The following UGT3A1 variants were observed in gnomAD, a reference collection of about 807,000 sequenced individuals.
UGT3A1 encodes UDP-glycosyltransferase 3A1.
In UGT3A1, 40 loss-of-function variants were observed where a neutral mutation model predicts 37.6. That is an observed-to-expected ratio of 1.06 (90% CI 0.83 to 1.38). UGT3A1 has a LOEUF of 1.38. Among genes scored for constraint, UGT3A1 ranks in the 40% most tolerant of loss-of-function variants. The pLI, the probability that UGT3A1 is intolerant of heterozygous loss-of-function variation, is 0.00. For missense variants in UGT3A1, 642 were observed against 634.2 expected (o/e 1.01, Z -0.13); for synonymous variants, 256 against 232.3 (o/e 1.10, Z -0.93).
chr5:35,995,086 C>G (rs986419116), upstream of UGT3A1, among the ~76,000 whole-genome samples: 2 of 152,164 alleles, frequency 1.3e-5, no homozygotes, highest in African/African-American at 4.8e-5. Flanking sequence ...TGAAGGCCAA[C>G]AAACAACTTA....
chr5:35,975,221 G>T (rs1405763266), intron 2 of UGT3A1, among the ~76,000 whole-genome samples: 1 of 152,142 alleles, frequency 6.6e-6, no homozygotes, highest in Admixed American at 6.5e-5. Context: ...TTATGTATGG[G>T]CATATCAAAC....
At position 35,953,831 on chromosome 5, in the gene UGT3A1, G is replaced by A. The variant is rs1040139635; in HGVS notation, c.*371C>T. 1.0e-5 allele frequency: 2 copies of A among 193,078 alleles called. No homozygotes were observed. Among genetic ancestry groups the A allele is most frequent in the African/African-American group, 4.7e-5 (2 of 42,860 alleles). The allele number at this position is 193,078 out of a possible 1,614,324, so 12.0% of individuals were successfully genotyped here. A position where few individuals can be genotyped will look rare whatever the true frequency, so the allele number is the denominator to read the frequency against. On this transcript the variant is annotated 3_prime_UTR_variant, in exon 7 of 7. Transcript: ENST00000274278. ...TGGAAGAATTTGAAATGGAAGATAT[G>A]TCAAATATTTCCTGAGTTTTTTTAT...
chr5:35,967,468 T>C (rs1018109993), intron 3 of UGT3A1, among the ~76,000 whole-genome samples: 3 of 152,242 alleles, frequency 2.0e-5, no homozygotes, highest in Admixed American at 6.5e-5. Context: ...TCTCTCATTG[T>C]ATACCATCAT....
intron 3 of UGT3A1, among the ~76,000 whole-genome samples, 190 bp from the exon 4 acceptor site, chr5:35,966,107 A>T (rs1278364036): frequency 6.6e-6 from 1 of 152,092 alleles, no homozygotes; most frequent in Non-Finnish European, 1.5e-5. Flanking sequence ...TGCTCTCTAA[A>T]ATGTCCCCAC....
At chr5:35,978,128 G>C (rs568687238) in intron 2 of UGT3A1, among the ~76,000 whole-genome samples, 1 of 152,202 alleles carries the variant, frequency 6.6e-6, no homozygotes, top group South Asian at 2.1e-4. Context: ...CCACCTCCTG[G>C]GATTCAAGAA....
rs1317913848 is a variant in UGT3A1, at chr5:35,952,945, A to G, written c.*1257T>C. ...GGGCATTCTCTATTTCTGCAGGAGCATTTGTAACAGTTTCATCTTTTGATC... is the reference window on the plus strand; with the variant it reads ...GGGCATTCTCTATTTCTGCAGGAGCGTTTGTAACAGTTTCATCTTTTGATC... On this transcript the variant is annotated 3_prime_UTR_variant, in exon 7 of 7. Coordinates refer to ENST00000274278, the MANE Select transcript of UGT3A1 (RefSeq NM_152404.4). 6.6e-6 allele frequency: 1 copy of G among 152,206 alleles called. No homozygotes were observed. The highest frequency in any genetic ancestry group is 1.5e-5 in the Non-Finnish European group (1 of 68,044). The allele number at this position is 152,206 out of a possible 1,614,324, so 9.4% of individuals were successfully genotyped here.
chr5:35,960,486 G>A (rs1230502347), intron 4 of UGT3A1, among the ~76,000 whole-genome samples: 2 of 152,180 alleles, frequency 1.3e-5, no homozygotes, highest in Admixed American at 1.3e-4. Flanking sequence ...CGCAGCCTCC[G>A]CTGCTGCTCA....
At chr5:35,984,254 AC>A (rs1483975766) in intron 2 of UGT3A1, among the ~76,000 whole-genome samples, 6 of 152,232 alleles carry the variant, frequency 3.9e-5, no homozygotes, top group Non-Finnish European at 7.3e-5. Context: ...CCATATGCCA[AC>A]AGCAAACAAC....
At chr5:35,968,232 T>A (rs1470532961) in intron 2 of UGT3A1, 99 bp from the exon 3 acceptor site, 7 of 738,298 alleles carry the variant, frequency 9.5e-6, no homozygotes, top group Non-Finnish European at 1.5e-5. Flanking sequence ...AATTTTACAT[T>A]TATGGAAATG....
upstream of UGT3A1, among the ~76,000 whole-genome samples, chr5:35,995,178 A>C (rs984130610): frequency 2.0e-5 from 3 of 151,580 alleles, no homozygotes; most frequent in Non-Finnish European, 4.4e-5. Context: ...CTCCACCCTC[A>C]CTCTACCCTG....
chr5:35,962,974 T>A, intron 4 of UGT3A1: 1 of 702,240 alleles, frequency 1.4e-6, no homozygotes, highest in Non-Finnish European at 2.6e-6. Flanking sequence ...GAAATAGAGG[T>A]GTCCCTCATT....
At chr5:35,992,173 A>G (rs537954321), upstream of UGT3A1, among the ~76,000 whole-genome samples, 1 of 152,342 alleles carries the variant, frequency 6.6e-6, no homozygotes, top group African/African-American at 2.4e-5. Flanking sequence ...TAGGCCCTTG[A>G]ATTCTGCTTG....
intron 2 of UGT3A1, among the ~76,000 whole-genome samples, chr5:35,971,463 TACACAC>T (rs76860183): frequency 0.23 from 34,145 of 147,802 alleles, 4,153 homozygotes; most frequent in Non-Finnish European, 0.28. Flanking sequence ...GACACACGCA[TACACAC>T]ACACACACAC....
rs200732514 is a variant in UGT3A1 at position 35,965,570 on chromosome 5, G to A, written c.659C>T (p.Thr220Ile). Residue 220 changes from threonine to isoleucine, a missense_variant, in exon 4 of 7, where the codon ACA (threonine) becomes ATA (isoleucine). Transcript: ENST00000274278. Reference protein sequence around the residue: ...FSRSQWDMQSTFDNTIKEHFP... With the variant: ...FSRSQWDMQSIFDNTIKEHFP... ...ATGCTCCTTGATGGTGTTGTCAAATGTAGACTGCATGTCCCATTGGCTCCT... is the reference window on the plus strand; with the variant it reads ...ATGCTCCTTGATGGTGTTGTCAAATATAGACTGCATGTCCCATTGGCTCCT... 21 of 1,614,184 alleles carry A rather than the reference G, an allele frequency of 1.3e-5. No homozygotes were observed. The East Asian group carries it at 4.7e-4, about 36-fold the overall frequency.
rs1290537945 is a variant in UGT3A1, at chr5:35,965,502, T to G, written c.727A>C (p.Lys243Gln). ...SRPVLSHLLL[K>Q]AELWFVNSDF... ...GAGTTAACAAACCACAACTCTGCTTTCAGTAGAAGATGAGACAAAACTGGC... is the reference window on the plus strand; with the variant it reads ...GAGTTAACAAACCACAACTCTGCTTGCAGTAGAAGATGAGACAAAACTGGC... Residue 243 changes from lysine to glutamine, a missense_variant, in exon 4 of 7, where the codon AAA becomes CAA. Transcript: ENST00000274278. 6.2e-7 allele frequency: 1 copy of G among 1,614,236 alleles called. No individual in the cohort carries two copies. Among genetic ancestry groups the G allele is most frequent in the African/African-American group, 1.3e-5 (1 of 75,070 alleles).
chr5:35,983,439 T>C (rs1740608628), intron 2 of UGT3A1, among the ~76,000 whole-genome samples: 1 of 152,140 alleles, frequency 6.6e-6, no homozygotes, highest in Non-Finnish European at 1.5e-5. Context: ...GCCCAAAACC[T>C]GATGAATTCA....
intron 4 of UGT3A1, chr5:35,963,100 C>T (rs1218249351): frequency 1.6e-6 from 1 of 617,344 alleles, no homozygotes; most frequent in African/African-American, 1.8e-5. Context: ...CCCACAGGTG[C>T]CACTGTGGTC....
rs776526035 is a variant in UGT3A1, at chr5:35,955,625, A to T, written c.1295+20T>A. 6.2e-7 allele frequency: 1 copy of T among 1,613,930 alleles called. No homozygotes were observed. Among genetic ancestry groups the T allele is most frequent in the Non-Finnish European group, 8.5e-7 (1 of 1,179,752 alleles). On this transcript the variant is annotated intron_variant, in intron 6 of 6. Coordinates refer to ENST00000274278, the MANE Select transcript of UGT3A1 (RefSeq NM_152404.4). ...ATCTTCATTCAGCCTTAGTGACCAC[A>T]TGCTTAGAGAGCCACATACCTCTTG...
chr5:35,974,459 A>C lies in UGT3A1; in HGVS notation c.197-6326T>G, dbSNP rs1345661633. On this transcript the variant is annotated intron_variant, in intron 2 of 6. Coordinates refer to ENST00000274278, the MANE Select transcript of UGT3A1 (RefSeq NM_152404.4). ...TCTGGCAAAACAGAAAACCAAAGCA[A>C]TATTGCACTCTACAGAGATTTCAAA... 2.6e-5 allele frequency among the ~76,000 whole-genome samples: 4 copies of C among 152,202 alleles called. 1 individual carries two copies. The South Asian group carries it at 8.3e-4, about 32-fold the overall frequency.
Sources: gnomAD v4.1 joint callset for allele counts (sites outside exome capture counted in the v4.1 genomes callset) on GRCh38, gnomAD v4.1.1 for gene constraint, MANE v1.5 for transcripts, NCBI Gene and HGNC (gene_info 2026-07-23, HGNC 2026-07-21) for gene names.